The following KCNJ15 variants were observed in gnomAD, a reference collection of about 807,000 sequenced individuals.
The protein encoded by KCNJ15 is potassium inwardly rectifying channel subfamily J member 15, also known as ATP-sensitive inward rectifier potassium channel 15.
KCNJ15 carries 14 observed loss-of-function variants against 23.0 expected under a neutral mutation model. The ratio of observed to expected loss-of-function variants is 0.61; its 90% confidence interval spans 0.40 to 0.95. The LOEUF is 0.95. Among genes scored for constraint, KCNJ15 ranks in the 40% least tolerant of loss-of-function variants. KCNJ15 has a pLI of 0.00. For synonymous variants in KCNJ15, 185 were observed against 183.2 expected, an observed-to-expected ratio of 1.01 and a Z score of -0.08; for missense variants, 388 against 461.8, an observed-to-expected ratio of 0.84 and a Z score of 1.46.
At chr21:38,253,990 T>G (rs1980019021), upstream of KCNJ15, among the ~76,000 whole-genome samples, 1 of 152,232 alleles carries the variant, frequency 6.6e-6, no homozygotes, top group African/African-American at 2.4e-5. Context: ...AATGATTAGC[T>G]ATGTTATTTC....
intron 1 of KCNJ15, among the ~76,000 whole-genome samples, chr21:38,242,149 G>A (rs1041939954): frequency 6.6e-6 from 1 of 152,012 alleles, no homozygotes; most frequent in Non-Finnish European, 1.5e-5. Flanking sequence ...TCTAATCCAC[G>A]TTGTGATAAT....
chr21:38,245,339 A>G (rs1979293247), intron 1 of KCNJ15, among the ~76,000 whole-genome samples: 2 of 151,890 alleles, frequency 1.3e-5, no homozygotes, highest in Admixed American at 1.3e-4. Context: ...TCTCTTGGAC[A>G]TTAAAAAAAA....
At chr21:38,267,522 G>A (rs1701215217) in intron 1 of KCNJ15, among the ~76,000 whole-genome samples, 1 of 152,192 alleles carries the variant, frequency 6.6e-6, no homozygotes, top group South Asian at 2.1e-4. Context: ...TCTCAGAGAG[G>A]CAGATAGATG....
chr21:38,259,736 T>C (rs1308968103), intron 1 of KCNJ15, among the ~76,000 whole-genome samples: 1 of 152,104 alleles, frequency 6.6e-6, no homozygotes, highest in African/African-American at 2.4e-5. Flanking sequence ...CAGCTGATGG[T>C]GGGATAAGGC....
At chr21:38,268,550 GAAAAAAAAAAAAAAA>G (rs576709021) in intron 1 of KCNJ15, among the ~76,000 whole-genome samples, 8,893 of 47,472 alleles carry the variant, frequency 0.19, 871 homozygotes, top group African/African-American at 0.35. Context: ...CTTAAAATCT[GAAAAAAAAAAAAAAA>G]AAAAAAAAAA....
chr21:38,242,973 G>T (rs990168984), intron 1 of KCNJ15, among the ~76,000 whole-genome samples: 1 of 152,134 alleles, frequency 6.6e-6, no homozygotes, highest in African/African-American at 2.4e-5. Flanking sequence ...AAATCAAATG[G>T]TGTAGTATGC....
intron 2 of KCNJ15, among the ~76,000 whole-genome samples, chr21:38,298,741 G>A (rs1056913182): frequency 2.0e-5 from 3 of 152,164 alleles, no homozygotes; most frequent in Non-Finnish European, 1.5e-5. Context: ...AGCAGTACTG[G>A]ACTTACACTC....
chr21:38,283,426 C>G (rs1338825241), intron 1 of KCNJ15, among the ~76,000 whole-genome samples: 1 of 152,042 alleles, frequency 6.6e-6, no homozygotes, highest in Non-Finnish European at 1.5e-5. Flanking sequence ...GAGAGATTAC[C>G]CTGCATATTT....
chr21:38,258,658 G>A (rs759028101), intron 1 of KCNJ15, among the ~76,000 whole-genome samples: 2 of 152,148 alleles, frequency 1.3e-5, no homozygotes, highest in Non-Finnish European at 2.9e-5. Flanking sequence ...AAATAGTCTG[G>A]GGGTTTTACA....
At chr21:38,262,957 C>T (rs1038002838) in intron 1 of KCNJ15, among the ~76,000 whole-genome samples, 6 of 152,126 alleles carry the variant, frequency 3.9e-5, no homozygotes, top group African/African-American at 1.4e-4. Context: ...GGATTACAGG[C>T]CTGAGCTACC....
intron 1 of KCNJ15, among the ~76,000 whole-genome samples, chr21:38,266,230 TG>T: frequency 6.6e-6 from 1 of 152,220 alleles, no homozygotes; most frequent in Non-Finnish European, 1.5e-5. Flanking sequence ...GGTGATTTGC[TG>T]CACCCATCAA....
Position 38,300,150 on chromosome 21 carries a change from C to T in KCNJ15, c.889C>T (p.Arg297Ter), listed in dbSNP as rs534907364. 31 of 1,613,996 alleles carry T rather than the reference C, an allele frequency of 1.9e-5. No individual in the cohort carries two copies. Among genetic ancestry groups the T allele is most frequent in the Non-Finnish European group, 2.6e-5 (31 of 1,180,030 alleles). The change falls in exon 3 of 3, where the codon CGA becomes TGA. Residue 297 changes from arginine to a stop codon, truncating the protein, a stop_gained. Transcript: ENST00000398938. LOFTEE classifies it high-confidence loss of function. ...ATCCACCAGCGCTGTCTGCCAGAGCCGAACATCTTATATCCCAGAGGAAAT... is the reference window on the plus strand; with the variant it reads ...ATCCACCAGCGCTGTCTGCCAGAGCTGAACATCTTATATCCCAGAGGAAAT... Reference protein sequence around the residue: ...VESTSAVCQSRTSYIPEEIYW... With the variant: ...VESTSAVCQS
upstream of KCNJ15, among the ~76,000 whole-genome samples, chr21:38,254,089 C>T (rs888957896): frequency 2.0e-5 from 3 of 152,230 alleles, no homozygotes; most frequent in Admixed American, 6.5e-5. Context: ...AGAGAGATTG[C>T]ATGGCAGAAA....
At chr21:38,250,397 A>G (rs1207808106) in intron 1 of KCNJ15, among the ~76,000 whole-genome samples, 1 of 152,226 alleles carries the variant, frequency 6.6e-6, no homozygotes, top group African/African-American at 2.4e-5. Flanking sequence ...ATAGCCTAAT[A>G]ATATCACTAC....
chr21:38,237,980 G>T (rs1978729967), intron 1 of KCNJ15: 2 of 191,756 alleles, frequency 1.0e-5, no homozygotes, highest in Admixed American at 5.6e-5. Context: ...TAACAATAAC[G>T]ATAGAAAGCA....
In KCNJ15 at chr21:38,286,827, C is replaced by T. The variant is rs563305174; in HGVS notation, c.-116-10099C>T. On this transcript the variant is annotated intron_variant, in intron 1 of 2. Coordinates refer to ENST00000398938, the MANE Select transcript of KCNJ15 (RefSeq NM_170736.3). ...AACAGCAGTTTATTTTAGATGGCCT[C>T]TAACTAAAATTTGTATTGAGTGTGT... is the stretch of plus-strand genomic sequence containing the variant. 2.0e-5 allele frequency among the ~76,000 whole-genome samples: 3 copies of T among 152,320 alleles called. No homozygotes were observed. In the East Asian group the frequency reaches 5.8e-4, roughly 29 times the overall value.
At position 38,301,813 on chromosome 21, in the gene KCNJ15, T is replaced by G. The variant is rs1054948841; in HGVS notation, c.*1424T>G. 6.0e-6 allele frequency: 1 copy of G among 167,032 alleles called. No individual in the cohort carries two copies. Among genetic ancestry groups the G allele is most frequent in the East Asian group, 1.9e-4 (1 of 5,182 alleles). The allele number at this position is 167,032 out of a possible 1,614,324, so 10.3% of individuals were successfully genotyped here. A position where few individuals can be genotyped will look rare whatever the true frequency, so the allele number is the denominator to read the frequency against. On this transcript the variant is annotated 3_prime_UTR_variant, in exon 3 of 3. Coordinates refer to ENST00000398938, the MANE Select transcript of KCNJ15 (RefSeq NM_170736.3). The stretch of plus-strand genomic sequence containing the variant: ...CAAAAAATAAATGGGCTATGACTGG[T>G]TAAATGTCCAAAAGGTGAATTCTCA...
intron 1 of KCNJ15, among the ~76,000 whole-genome samples, chr21:38,243,180 G>A (rs916269397): frequency 6.6e-6 from 1 of 151,632 alleles, no homozygotes; most frequent in Non-Finnish European, 1.5e-5. Context: ...CTTCTTTTCT[G>A]ATTTTTTTTT....
At chr21:38,291,906 T>C (rs1335271344) in intron 1 of KCNJ15, among the ~76,000 whole-genome samples, 2 of 152,244 alleles carry the variant, frequency 1.3e-5, no homozygotes, top group African/African-American at 4.8e-5. Flanking sequence ...GGAATAATAT[T>C]AGTACTTACT....
Sources: gnomAD v4.1 joint callset for allele counts (sites outside exome capture counted in the v4.1 genomes callset) on GRCh38, gnomAD v4.1.1 for gene constraint, MANE v1.5 for transcripts, NCBI Gene and HGNC (gene_info 2026-07-23, HGNC 2026-07-21) for gene names.